The following SYT1 variants were observed in gnomAD, a reference collection of about 807,000 sequenced individuals.
SYT1 encodes synaptotagmin-1.
A neutral mutation model predicts 44.8 loss-of-function variants in SYT1; 8 were observed. The observed-to-expected ratio is 0.18, with a 90% CI of 0.10 to 0.32. The LOEUF (loss-of-function observed/expected upper bound fraction) is 0.32. SYT1 is among the 10% of genes least tolerant of loss of function. The pLI is 1.00. For synonymous variants in SYT1, 154 were observed against 188.8 expected (o/e 0.82, Z 1.51); for missense variants, 286 against 509.3 (o/e 0.56, Z 4.22).
At chr12:79,083,281 T>A (rs928878143) in intron 3 of SYT1, among the ~76,000 whole-genome samples, 1 of 152,184 alleles carries the variant, frequency 6.6e-6, no homozygotes, top group Non-Finnish European at 1.5e-5. Flanking sequence ...AGATAAGACT[T>A]ATATACATTA....
chr12:79,149,521 T>C, intron 3 of SYT1, among the ~76,000 whole-genome samples: 1 of 152,270 alleles, frequency 6.6e-6, no homozygotes, highest in African/African-American at 2.4e-5. Context: ...ATAAAATAGT[T>C]TCCTAAATAG....
chr12:79,030,337 A>T (rs1016159198), intron 2 of SYT1, among the ~76,000 whole-genome samples: 2 of 150,710 alleles, frequency 1.3e-5, no homozygotes, highest in Non-Finnish European at 3.0e-5. Context: ...TCCCATACTT[A>T]CCTTATTCTC....
At chr12:79,408,033 G>A (rs1242891584) in intron 9 of SYT1, among the ~76,000 whole-genome samples, 1 of 152,126 alleles carries the variant, frequency 6.6e-6, no homozygotes, top group Non-Finnish European at 1.5e-5. Flanking sequence ...GAATATTCCT[G>A]AGTCTCATTG....
At chr12:79,330,267 G>A (rs1040117261) in intron 8 of SYT1, among the ~76,000 whole-genome samples, 3 of 152,168 alleles carry the variant, frequency 2.0e-5, no homozygotes, top group African/African-American at 7.2e-5. Context: ...ATTACAAATT[G>A]CTTAACAGAT....
At chr12:79,033,614 G>A (rs1016019991) in intron 2 of SYT1, among the ~76,000 whole-genome samples, 1 of 151,252 alleles carries the variant, frequency 6.6e-6, no homozygotes, top group Admixed American at 6.6e-5. Flanking sequence ...TCCATTGAAG[G>A]GGGATCTAGA....
chr12:78,931,203 GAAAGAAAGAAAGAAAGAAAGA>G (rs761246494), intron 1 of SYT1, among the ~76,000 whole-genome samples: 1,521 of 38,664 alleles, frequency 0.039, 64 homozygotes, highest in East Asian at 0.16. Context: ...AAGAAAGAAA[GAAAGAAAGAAAGAAAGAAAGA>G]AAGAAAGAAA....
rs148182774 is a variant in SYT1, at chr12:78,954,482, G to A, written c.-216-23317G>A. Reference sequence around the variant, plus strand: ...GACAGTCTTCAGAATGATCCTATGTGGTACCCTGTGTAGCTTTTCTTATAA... The same window carrying A: ...GACAGTCTTCAGAATGATCCTATGTAGTACCCTGTGTAGCTTTTCTTATAA... On this transcript the variant is annotated intron_variant, in intron 1 of 10. Coordinates refer to ENST00000261205, the MANE Select transcript of SYT1 (RefSeq NM_005639.3). Among the ~76,000 whole-genome samples, 852 of 151,858 alleles carry A rather than the reference G, an allele frequency of 5.6e-3. 7 individuals carry two copies. Among genetic ancestry groups the A allele is most frequent in the African/African-American group, 0.019 (807 of 41,444 alleles).
intron 2 of SYT1, among the ~76,000 whole-genome samples, chr12:79,041,347 G>A (rs1233624307): frequency 6.6e-6 from 1 of 152,124 alleles, no homozygotes; most frequent in Non-Finnish European, 1.5e-5. Context: ...CACATCCCCT[G>A]TAAGTTGGAT....
chr12:79,237,378 G>A (rs1483742847), intron 4 of SYT1, among the ~76,000 whole-genome samples: 6 of 152,034 alleles, frequency 3.9e-5, no homozygotes, highest in African/African-American at 1.4e-4. Context: ...CTACACAGAG[G>A]GGGAAAAAAG....
Position 79,122,777 on chromosome 12 carries a change from T to C in SYT1, c.-18+75415T>C, listed in dbSNP as rs1868299396. Among the ~76,000 whole-genome samples the C allele has an allele frequency of 2.0e-5, 3 of 152,180 alleles. No homozygotes were observed. In the South Asian group the frequency reaches 6.2e-4, roughly 31 times the overall value. On this transcript the variant is annotated intron_variant, in intron 3 of 10. Coordinates refer to ENST00000261205, the MANE Select transcript of SYT1 (RefSeq NM_005639.3). ...GTAATGCTTTGTTTCCATCAAGTTC[T>C]TAGTAAATAATAAATTCTCAGTTAT... is the stretch of plus-strand genomic sequence containing the variant.
chr12:79,284,414 G>T (rs1879201078), intron 4 of SYT1, among the ~76,000 whole-genome samples: 2 of 152,144 alleles, frequency 1.3e-5, no homozygotes, highest in African/African-American at 4.8e-5. Flanking sequence ...CATTGCCTTT[G>T]CATTTTCACT....
chr12:79,098,083 A>G (rs1369870868), intron 3 of SYT1, among the ~76,000 whole-genome samples: 2 of 152,030 alleles, frequency 1.3e-5, no homozygotes, highest in African/African-American at 4.8e-5. Context: ...ATGAGTTTCT[A>G]TGCTGTTCAA....
chr12:79,057,639 A>AT (rs921327928), intron 3 of SYT1, among the ~76,000 whole-genome samples: 3 of 151,672 alleles, frequency 2.0e-5, no homozygotes, highest in Non-Finnish European at 4.4e-5. Flanking sequence ...GTACTTTAAA[A>AT]TTTTTTTTCT....
intron 3 of SYT1, among the ~76,000 whole-genome samples, chr12:79,095,962 C>T (rs141035528): frequency 2.6e-5 from 4 of 151,842 alleles, no homozygotes; most frequent in Non-Finnish European, 5.9e-5. Context: ...TGATGGCTGA[C>T]GTTTTCATAT....
At chr12:79,177,380 CA>C (rs1871954556) in intron 3 of SYT1, among the ~76,000 whole-genome samples, 1 of 13,162 alleles carries the variant, frequency 7.6e-5, no homozygotes, top group Non-Finnish European at 1.5e-4. Flanking sequence ...ATGAACTCAT[CA>C]TTTTTTATGG....
At chr12:79,015,640 A>G (rs909462091) in intron 2 of SYT1, among the ~76,000 whole-genome samples, 16 of 152,186 alleles carry the variant, frequency 1.1e-4, no homozygotes, top group African/African-American at 3.9e-4. Context: ...AGTAAATATA[A>G]TCGCTCCCTA....
At chr12:79,064,968 GAAAGAAAGA>G (rs1288952791) in intron 3 of SYT1, among the ~76,000 whole-genome samples, 1 of 149,540 alleles carries the variant, frequency 6.7e-6, no homozygotes, top group African/African-American at 2.5e-5. Flanking sequence ...AAGAAAGAAA[GAAAGAAAGA>G]AAGAAAGAAA....
chr12:78,976,746 A>G (rs991527251), intron 1 of SYT1: 6 of 152,116 alleles, frequency 3.9e-5, no homozygotes, highest in Non-Finnish European at 7.4e-5. Flanking sequence ...TTTATAATTT[A>G]TTTATTTCAA....
chr12:78,911,243 G>A (rs140001212), intron 1 of SYT1, among the ~76,000 whole-genome samples: 2,694 of 152,108 alleles, frequency 0.018, 28 homozygotes, highest in Non-Finnish European at 0.028. Flanking sequence ...GAGTGTGTGG[G>A]AAGGCTGTGA....
Sources: gnomAD v4.1 joint callset for allele counts (sites outside exome capture counted in the v4.1 genomes callset) on GRCh38, gnomAD v4.1.1 for gene constraint, MANE v1.5 for transcripts, NCBI Gene and HGNC (gene_info 2026-07-23, HGNC 2026-07-21) for gene names.